Variants in HILPDA observed in about 807,000 individuals in gnomAD.
The protein encoded by HILPDA is hypoxia-inducible lipid droplet-associated protein.
For synonymous variants in HILPDA, 37 were observed against 33.2 expected, an observed-to-expected ratio of 1.12 and a Z score of -0.40; for missense variants, 72 against 73.5, an observed-to-expected ratio of 0.98 and a Z score of 0.08.
chr7:128,456,186 C>T, intron 1 of HILPDA, 163 bp downstream of exon 1: 1 of 341,748 alleles, frequency 2.9e-6, no homozygotes, highest in South Asian at 2.2e-5. Context: ...CTGTTTTGTC[C>T]TAAGGTGGTC....
In HILPDA at chr7:128,457,345, C is replaced by T; in HGVS notation, c.77C>T (p.Ser26Phe). The T allele has an allele frequency of 6.2e-7, 1 of 1,613,930 alleles. No homozygotes were observed. Among genetic ancestry groups the T allele is most frequent in the South Asian group, 1.1e-5 (1 of 91,074 alleles). Residue 26 changes from serine to phenylalanine, a missense_variant, in exon 2 of 2, where the codon TCC (serine) becomes TTC (phenylalanine). Ser to Phe is a radical substitution (Grantham distance 155). Transcript: ENST00000257696. ...TCCATCTTCGTTAGAGTGATGGAGT[C>T]CCTAGAGGGCTTACTAGAGAGCCCA... Reference protein sequence around the residue: ...LLSIFVRVMESLEGLLESPSP... With the variant: ...LLSIFVRVMEFLEGLLESPSP...
Position 128,457,352 on chromosome 7 carries a change from G to A in HILPDA, c.84G>A (p.Glu28=), listed in dbSNP as rs199819961. The A allele has an allele frequency of 6.2e-7, 1 of 1,614,116 alleles. No homozygotes were observed. The highest frequency in any genetic ancestry group is 2.2e-5 in the East Asian group (1 of 44,880). Residue 28 remains glutamate, a synonymous_variant, in exon 2 of 2, where the codon GAG becomes GAA. Transcript: ENST00000257696. The part of the protein sequence containing the change: ...SIFVRVMESL[E]GLLESPSPGT... ...TCGTTAGAGTGATGGAGTCCCTAGAGGGCTTACTAGAGAGCCCATCGCCTG... is the reference window on the plus strand; with the variant it reads ...TCGTTAGAGTGATGGAGTCCCTAGAAGGCTTACTAGAGAGCCCATCGCCTG...
chr7:128,457,427 G>A lies in HILPDA; in HGVS notation c.159G>A (p.Lys53=), dbSNP rs145211080. The A allele has an allele frequency of 2.4e-4, 393 of 1,614,014 alleles. 1 individual carries two copies. Among genetic ancestry groups the A allele is most frequent in the Non-Finnish European group, 3.2e-4 (376 of 1,180,016 alleles). Residue 53 remains lysine (K), a synonymous_variant, in exon 2 of 2, where the codon AAG becomes AAA. Transcript: ENST00000257696. The part of the protein sequence containing the change: ...RSQLANTEPT[K]GLPDHPSRSM ...AACTAGCCAACACAGAGCCCACCAA[G>A]GGCCTTCCAGACCATCCATCCAGAA...
Position 128,457,346 on chromosome 7 carries a change from C to T in HILPDA, c.78C>T (p.Ser26=). ...CCATCTTCGTTAGAGTGATGGAGTC[C>T]CTAGAGGGCTTACTAGAGAGCCCAT... The part of the protein sequence containing the change: ...LLSIFVRVME[S]LEGLLESPSP... Residue 26 remains serine, a synonymous_variant, in exon 2 of 2, where the codon TCC becomes TCT. Transcript: ENST00000257696. 3 of 1,613,966 alleles carry T rather than the reference C, an allele frequency of 1.9e-6. No individual in the cohort carries two copies. The South Asian group carries it at 3.3e-5, about 18-fold the overall frequency.
chr7:128,457,274 G>A lies in HILPDA; in HGVS notation c.6G>A (p.Lys2=), dbSNP rs972403788. ...GGAGTAGGGTCCTTTCAGCCATGAA[G>A]CATGTGTTGAACCTCTACCTGTTAG... is the stretch of plus-strand genomic sequence containing the variant. The part of the protein sequence containing the change: M[K]HVLNLYLLGV... Residue 2 remains lysine (K), a synonymous_variant, in exon 2 of 2, where the codon AAG becomes AAA. Coordinates refer to ENST00000257696, the MANE Select transcript of HILPDA (RefSeq NM_013332.4). 2.4e-5 allele frequency: 38 copies of A among 1,609,402 alleles called. No individual in the cohort carries two copies. The highest frequency in any genetic ancestry group is 1.7e-4 in the Middle Eastern group (1 of 6,060).
chr7:128,455,988 A>G lies in HILPDA; in HGVS notation c.-104A>G, dbSNP rs1042910425. On this transcript the variant is annotated 5_prime_UTR_variant, in exon 1 of 2. Coordinates refer to ENST00000257696, the MANE Select transcript of HILPDA (RefSeq NM_013332.4). The stretch of plus-strand genomic sequence containing the variant: ...CCGGACTCCTGCACGACCTGCTCCT[A>G]CAGCCGGCGATCCACTCCCGGCTGT... 2 of 456,222 alleles carry G rather than the reference A, an allele frequency of 4.4e-6. No individual in the cohort carries two copies. Among genetic ancestry groups the G allele is most frequent in the African/African-American group, 4.0e-5 (2 of 50,014 alleles). The allele number at this position is 456,222 out of a possible 1,614,324, so 28.3% of individuals were successfully genotyped here. A position where few individuals can be genotyped will look rare whatever the true frequency, so the allele number is the denominator to read the frequency against.
intron 1 of HILPDA, chr7:128,456,232 A>G: frequency 3.1e-6 from 1 of 320,706 alleles, no homozygotes; most frequent in South Asian, 2.5e-5. Context: ...CCACGCCCAC[A>G]GGTGCTGAGT....
Position 128,457,331 on chromosome 7 carries a change from TAG to T in HILPDA, c.66_67del (p.Arg22SerfsTer67). The stretch of plus-strand genomic sequence containing the variant: ...TACTGACCCTACTCTCCATCTTCGT[TAG>T]AGTGATGGAGTCCCTAGAGGGCTTA... ...VVLTLLSIFV[R>X]VMESLEGLLE... On this transcript the variant is annotated frameshift_variant, in exon 2 of 2. Transcript: ENST00000257696. LOFTEE classifies it low-confidence loss of function (END_TRUNC). The T allele has an allele frequency of 6.2e-7, 1 of 1,613,774 alleles. No homozygotes were observed. The highest frequency in any genetic ancestry group is 8.5e-7 in the Non-Finnish European group (1 of 1,179,714).
chr7:128,457,177 T>C, intron 1 of HILPDA, 24 bp from the exon 2 acceptor site: 1 of 1,072,360 alleles, frequency 9.3e-7, no homozygotes, highest in Non-Finnish European at 1.4e-6. Flanking sequence ...GGCTATAGAT[T>C]CATCCTTTCC....
intron 1 of HILPDA, 70 bp from the exon 2 acceptor site, chr7:128,457,131 G>A (rs1799552955): frequency 3.1e-6 from 2 of 654,204 alleles, no homozygotes; most frequent in South Asian, 4.5e-5. Context: ...TGAGAGGACA[G>A]AAGAGTCAGG....
chr7:128,456,954 G>T (rs1298408450), intron 1 of HILPDA, among the ~76,000 whole-genome samples: 1 of 152,154 alleles, frequency 6.6e-6, no homozygotes, highest in Non-Finnish European at 1.5e-5. Flanking sequence ...GAGCCACCGC[G>T]CCTGGCCTAA....
At position 128,457,109 on chromosome 7, in the gene HILPDA, C is replaced by A. The variant is rs533715314; in HGVS notation, c.-68-92C>A. ...TGTGTCCCTCACTGGCTAAGCCTCT[C>A]CTTCAGCCCTGTGAGAGGACAGAAG... On this transcript the variant is annotated intron_variant, in intron 1 of 1. Transcript: ENST00000257696. 9.3e-5 allele frequency: 52 copies of A among 558,998 alleles called. 1 individual carries two copies. In the East Asian group the frequency reaches 1.2e-3, roughly 13 times the overall value. The allele number at this position is 558,998 out of a possible 1,614,324, so 34.6% of individuals were successfully genotyped here. A position where few individuals can be genotyped will look rare whatever the true frequency, so the allele number is the denominator to read the frequency against.
Position 128,458,098 on chromosome 7 carries a change from TACTTCCTAAAC to T in HILPDA, c.*640_*650del, listed in dbSNP as rs1799570962. The T allele has an allele frequency of 6.0e-6, 1 of 167,374 alleles. No homozygotes were observed. The highest frequency in any genetic ancestry group is 1.5e-5 in the Non-Finnish European group (1 of 68,294). 10.4% of individuals were successfully genotyped at this position (167,374 alleles called of 1,614,324 possible). On this transcript the variant is annotated 3_prime_UTR_variant, in exon 2 of 2. Coordinates refer to ENST00000257696, the MANE Select transcript of HILPDA (RefSeq NM_013332.4). ...TGGGAGATGGTGATATTTTCAACCC[TACTTCCTAAAC>T]ATCTGTCTGGGGTTCCTTTAGTCTT...
At chr7:128,457,178 C>A in intron 1 of HILPDA, 23 bp from the exon 2 acceptor site, 2 of 1,085,454 alleles carry the variant, frequency 1.8e-6, no homozygotes, top group Non-Finnish European at 2.7e-6. Flanking sequence ...GCTATAGATT[C>A]ATCCTTTCCT....
chr7:128,457,550 C>A lies in HILPDA; in HGVS notation c.*90C>A. On this transcript the variant is annotated 3_prime_UTR_variant, in exon 2 of 2. Transcript: ENST00000257696. The stretch of plus-strand genomic sequence containing the variant: ...CCATTCCTAGCAGACAAGCTGAGCA[C>A]CGTTGTAACCAGAGAACTATTACTA... 8.4e-7 allele frequency: 1 copy of A among 1,191,072 alleles called. No individual in the cohort carries two copies. The highest frequency in any genetic ancestry group is 1.2e-6 in the Non-Finnish European group (1 of 814,906). The allele number at this position is 1,191,072 out of a possible 1,614,324, so 73.8% of individuals were successfully genotyped here. A position where few individuals can be genotyped will look rare whatever the true frequency, so the allele number is the denominator to read the frequency against.
In HILPDA at chr7:128,458,297, A is replaced by G. The variant is rs1389839743; in HGVS notation, c.*837A>G. Reference sequence around the variant, plus strand: ...TACATTTTAAAGTCGTTCCTCCAACATAGTGTGTATTGGTCTGAAGGGGGT... The same window carrying G: ...TACATTTTAAAGTCGTTCCTCCAACGTAGTGTGTATTGGTCTGAAGGGGGT... On this transcript the variant is annotated 3_prime_UTR_variant, in exon 2 of 2. Transcript: ENST00000257696. 6.0e-6 allele frequency: 1 copy of G among 167,098 alleles called. No individual in the cohort carries two copies. The highest frequency in any genetic ancestry group is 1.9e-4 in the East Asian group (1 of 5,200). 10.4% of individuals were successfully genotyped at this position (167,098 alleles called of 1,614,324 possible).
In HILPDA at chr7:128,458,030, C is replaced by T. The variant is rs143324897; in HGVS notation, c.*570C>T. On this transcript the variant is annotated 3_prime_UTR_variant, in exon 2 of 2. Coordinates refer to ENST00000257696, the MANE Select transcript of HILPDA (RefSeq NM_013332.4). ...CTGGTGTATGCTGTGCTTTCCTCAG[C>T]AGTATGGCTCTGACATCTCTTAGAT... is the stretch of plus-strand genomic sequence containing the variant. 1,636 of 168,514 alleles carry T rather than the reference C, an allele frequency of 9.7e-3. 19 individuals carry two copies. The highest frequency in any genetic ancestry group is 0.036 in the African/African-American group (1,507 of 41,578). 10.4% of individuals were successfully genotyped at this position (168,514 alleles called of 1,614,324 possible). A position where few individuals can be genotyped will look rare whatever the true frequency, so the allele number is the denominator to read the frequency against.
rs188526956 is a variant in HILPDA at position 128,456,261 on chromosome 7, C to G, written c.-69+238C>G. 2.1e-3 allele frequency: 653 copies of G among 303,872 alleles called. 1 individual carries two copies. Among genetic ancestry groups the G allele is most frequent in the African/African-American group, 0.014 (611 of 44,588 alleles). The allele number at this position is 303,872 out of a possible 1,614,324, so 18.8% of individuals were successfully genotyped here. On this transcript the variant is annotated intron_variant, in intron 1 of 1. Transcript: ENST00000257696. Reference sequence around the variant, plus strand: ...GCTGAGTTAGGCATCCCTGCCATGCCCTCCCAGAGCACCTTCACGATCTCC... The same window carrying G: ...GCTGAGTTAGGCATCCCTGCCATGCGCTCCCAGAGCACCTTCACGATCTCC...
At position 128,457,576 on chromosome 7, in the gene HILPDA, G is replaced by C; in HGVS notation, c.*116G>C. 1 of 998,318 alleles carries C rather than the reference G, an allele frequency of 1.0e-6. No individual in the cohort carries two copies. 61.8% of individuals were successfully genotyped at this position (998,318 alleles called of 1,614,324 possible). ...CGTTGTAACCAGAGAACTATTACTA[G>C]GCCTTGAAGAACCTGTCTAACTGGA... On this transcript the variant is annotated 3_prime_UTR_variant, in exon 2 of 2. Transcript: ENST00000257696.
Sources: allele counts gnomAD v4.1 joint callset (sites outside exome capture counted in the v4.1 genomes callset), GRCh38; gene constraint gnomAD v4.1.1; transcripts MANE v1.5; gene names NCBI Gene and HGNC (gene_info 2026-07-23, HGNC 2026-07-21).